NRXN3: variants seen among roughly 807,000 people sequenced by gnomAD.
The protein encoded by NRXN3 is neurexin 3, also known as neurexin III.
NRXN3 carries 32 observed loss-of-function variants against 137.6 expected under a neutral mutation model. That is an observed-to-expected ratio of 0.23 (90% CI 0.18 to 0.31). The LOEUF (loss-of-function observed/expected upper bound fraction) is 0.31, where lower values mean the gene tolerates loss of function less well. Ranked by LOEUF, NRXN3 falls within the 10% of genes least tolerant of loss-of-function variation. The pLI is 1.00. For missense variants in NRXN3, 1,574 were observed against 2,062.5 expected (o/e 0.76, Z 4.59); for synonymous variants, 798 against 784.5 (o/e 1.02, Z -0.29).
intron 4 of NRXN3, among the ~76,000 whole-genome samples, chr14:78,434,616 T>G (rs530374020): frequency 2.6e-5 from 4 of 152,302 alleles, no homozygotes; most frequent in Admixed American, 2.6e-4. Flanking sequence ...GGGAGGGATT[T>G]GGACAAAGGT....
At chr14:78,512,143 T>C (rs962253767) in intron 4 of NRXN3, among the ~76,000 whole-genome samples, 27 of 152,234 alleles carry the variant, frequency 1.8e-4, no homozygotes, top group African/African-American at 6.5e-4. Flanking sequence ...GAAGGATTCA[T>C]GGCCAAGTCA....
At chr14:79,028,128 TA>T (rs1487621208) in intron 15 of NRXN3, among the ~76,000 whole-genome samples, 8 of 152,166 alleles carry the variant, frequency 5.3e-5, no homozygotes, top group African/African-American at 1.9e-4. Flanking sequence ...CTCTTATTAT[TA>T]TGTTGAGGTA....
intron 1 of NRXN3, among the ~76,000 whole-genome samples, chr14:78,239,767 C>A (rs971557129): frequency 3.9e-5 from 6 of 152,236 alleles, no homozygotes; most frequent in Admixed American, 3.9e-4. Flanking sequence ...AGTACAGTGG[C>A]ACGATCTTGG....
intron 8 of NRXN3, among the ~76,000 whole-genome samples, chr14:78,740,512 T>C (rs560798072): frequency 6.6e-6 from 1 of 151,366 alleles, no homozygotes; most frequent in Non-Finnish European, 1.5e-5. Context: ...TAGAGCACTT[T>C]AATTTGCAAT....
chr14:79,496,011 G>A (rs764247159), intron 16 of NRXN3, among the ~76,000 whole-genome samples: 2 of 151,880 alleles, frequency 1.3e-5, no homozygotes, highest in Non-Finnish European at 2.9e-5. Flanking sequence ...AACACTTGAG[G>A]GCAAACATTG....
chr14:79,114,610 GGTTTTGAAA>G (rs1392848377), intron 15 of NRXN3, among the ~76,000 whole-genome samples: 2 of 152,082 alleles, frequency 1.3e-5, no homozygotes, highest in Non-Finnish European at 2.9e-5. Context: ...TTAGGCTTCT[GGTTTTGAAA>G]GTTTTGAGTA....
intron 8 of NRXN3, among the ~76,000 whole-genome samples, chr14:78,741,637 C>T (rs1171808927): frequency 2.0e-5 from 3 of 152,152 alleles, no homozygotes; most frequent in African/African-American, 4.8e-5. Context: ...ATATCTATCA[C>T]GTCCCACCCT....
At position 79,286,048 on chromosome 14, in the gene NRXN3, A is replaced by C. The variant is rs1026962198; in HGVS notation, c.3263-181173A>C. 2.6e-5 allele frequency among the ~76,000 whole-genome samples: 4 copies of C among 152,308 alleles called. No homozygotes were observed. The South Asian group carries it at 8.3e-4, about 32-fold the overall frequency. The stretch of plus-strand genomic sequence containing the variant: ...TTGTGTTTACAGATATGGGGAAAAA[A>C]ACAGCTATTGGTTCAGTGAAGACTT... On this transcript the variant is annotated intron_variant, in intron 15 of 20. Coordinates refer to ENST00000335750, the MANE Select transcript of NRXN3 (RefSeq NM_001330195.2).
intron 8 of NRXN3, among the ~76,000 whole-genome samples, chr14:78,771,692 G>T (rs1438809893): frequency 6.6e-6 from 1 of 152,200 alleles, no homozygotes; most frequent in Non-Finnish European, 1.5e-5. Flanking sequence ...AATAGAAAAT[G>T]TGTGTCTCTT....
chr14:79,057,363 G>A (rs1402334645), intron 15 of NRXN3, among the ~76,000 whole-genome samples: 1 of 152,206 alleles, frequency 6.6e-6, no homozygotes, highest in Admixed American at 6.5e-5. Context: ...TTTTCTGTGT[G>A]ATAGTGCTTT....
intron 4 of NRXN3, among the ~76,000 whole-genome samples, chr14:78,319,305 T>A (rs181134965): frequency 1.3e-5 from 2 of 152,290 alleles, no homozygotes; most frequent in Admixed American, 1.3e-4. Context: ...TCTGTCTCCG[T>A]GTCTGTATGG....
rs115633287 is a variant in NRXN3, at chr14:79,431,976, C to T, written c.3263-35245C>T. Reference sequence around the variant, plus strand: ...TGCTTTTCTCCCTACTACAGTCTGTCCTCTGCATGTAGCCAATGTTATACT... The same window carrying T: ...TGCTTTTCTCCCTACTACAGTCTGTTCTCTGCATGTAGCCAATGTTATACT... On this transcript the variant is annotated intron_variant, in intron 15 of 20. Transcript: ENST00000335750. 7.0e-3 allele frequency among the ~76,000 whole-genome samples: 1,072 copies of T among 152,220 alleles called. 17 individuals carry two copies. The highest frequency in any genetic ancestry group is 0.025 in the African/African-American group (1,029 of 41,544).
At chr14:79,511,852 T>G (rs151334582) in intron 16 of NRXN3, among the ~76,000 whole-genome samples, 4 of 152,318 alleles carry the variant, frequency 2.6e-5, no homozygotes, top group African/African-American at 9.6e-5. Context: ...TTCTACAAGT[T>G]TGGAAAATAA....
At chr14:79,819,112 G>A (rs1273691483) in intron 20 of NRXN3, among the ~76,000 whole-genome samples, 1 of 152,168 alleles carries the variant, frequency 6.6e-6, no homozygotes, top group African/African-American at 2.4e-5. Flanking sequence ...ATTACCCAGA[G>A]CCAAAGTTAG....
In NRXN3 at chr14:79,614,728, G is replaced by A. The variant is rs536815961; in HGVS notation, c.3445-49050G>A. 1.7e-4 allele frequency among the ~76,000 whole-genome samples: 26 copies of A among 151,702 alleles called. No homozygotes were observed. The South Asian group carries it at 3.5e-3, about 21-fold the overall frequency. The stretch of plus-strand genomic sequence containing the variant: ...ATGTTACGTTAAATACTCACAGCAA[G>A]TAGACTAGACTGTATTCTATTTCCA... On this transcript the variant is annotated intron_variant, in intron 16 of 20. Coordinates refer to ENST00000335750, the MANE Select transcript of NRXN3 (RefSeq NM_001330195.2).
At chr14:78,932,299 G>T (rs1026283465) in intron 10 of NRXN3, among the ~76,000 whole-genome samples, 2 of 152,078 alleles carry the variant, frequency 1.3e-5, no homozygotes, top group Non-Finnish European at 2.9e-5. Context: ...GTCAAACCCA[G>T]TAATATTTTT....
chr14:78,867,704 G>T (rs903829233), intron 10 of NRXN3, among the ~76,000 whole-genome samples: 1 of 152,222 alleles, frequency 6.6e-6, no homozygotes, highest in Middle Eastern at 3.4e-3. Context: ...ACACTGAAAA[G>T]AATCTGAACA....
intron 1 of NRXN3, among the ~76,000 whole-genome samples, chr14:78,209,264 A>C (rs923278718): frequency 6.6e-6 from 1 of 152,142 alleles, no homozygotes; most frequent in African/African-American, 2.4e-5. Flanking sequence ...CAGGTGAAAC[A>C]GGAAGAGCAT....
At chr14:78,986,871 A>T (rs1318025597) in intron 14 of NRXN3, among the ~76,000 whole-genome samples, 1 of 151,842 alleles carries the variant, frequency 6.6e-6, no homozygotes, top group Non-Finnish European at 1.5e-5. Flanking sequence ...AAATACAAAA[A>T]AATTAGCTGA....
Sources: allele counts gnomAD v4.1 joint callset (sites outside exome capture counted in the v4.1 genomes callset), GRCh38; gene constraint gnomAD v4.1.1; transcripts MANE v1.5; gene names NCBI Gene and HGNC (gene_info 2026-07-23, HGNC 2026-07-21).